The following NRXN1 variants were observed in gnomAD, a reference collection of about 807,000 sequenced individuals.
The protein encoded by NRXN1 is neurexin 1, also known as neurexin-1.
Under a neutral mutation model 150.9 loss-of-function variants are expected in NRXN1, and 39 were observed. The observed-to-expected ratio is 0.26, with a 90% CI of 0.20 to 0.34. The LOEUF is 0.34. NRXN1 is among the 10% of genes least tolerant of loss of function. NRXN1 has a pLI of 1.00. For synonymous variants in NRXN1, 924 were observed against 757.0 expected (o/e 1.22, Z -3.62); for missense variants, 1,815 against 1,949.9 (o/e 0.93, Z 1.30).
intron 8 of NRXN1, among the ~76,000 whole-genome samples, chr2:50,581,463 T>C (rs998785923): frequency 3.3e-5 from 5 of 152,160 alleles, no homozygotes; most frequent in East Asian, 1.9e-4. Flanking sequence ...CTCAGATTCA[T>C]AGGTAATATA....
chr2:50,884,332 T>A (rs1051002997), intron 5 of NRXN1, among the ~76,000 whole-genome samples: 1 of 151,916 alleles, frequency 6.6e-6, no homozygotes, highest in South Asian at 2.1e-4. Flanking sequence ...TTTAGTTTTT[T>A]AGCAATTCAA....
intron 17 of NRXN1, among the ~76,000 whole-genome samples, chr2:50,268,378 T>A (rs1260055779): frequency 6.6e-6 from 1 of 152,176 alleles, no homozygotes; most frequent in Non-Finnish European, 1.5e-5. Context: ...CTTATTATCC[T>A]ACTTAGGCTT....
At chr2:50,719,083 ACATT>A (rs1398550871) in intron 5 of NRXN1, among the ~76,000 whole-genome samples, 2 of 151,568 alleles carry the variant, frequency 1.3e-5, no homozygotes, top group East Asian at 1.9e-4. Context: ...GCACTAAAAC[ACATT>A]CAAAGAATTA....
chr2:50,309,934 G>A (rs980968490), intron 17 of NRXN1, among the ~76,000 whole-genome samples: 5 of 152,112 alleles, frequency 3.3e-5, no homozygotes, highest in African/African-American at 1.2e-4. Flanking sequence ...TAACATGTCA[G>A]CTTCTTGGAA....
chr2:50,780,507 T>A (rs951935458), intron 5 of NRXN1, among the ~76,000 whole-genome samples: 1 of 152,142 alleles, frequency 6.6e-6, no homozygotes, highest in Non-Finnish European at 1.5e-5. Context: ...AATGGCATGG[T>A]CATCCTTTTA....
chr2:50,733,282 A>C (rs1360924815), intron 5 of NRXN1, among the ~76,000 whole-genome samples: 2 of 152,182 alleles, frequency 1.3e-5, no homozygotes, highest in Non-Finnish European at 2.9e-5. Context: ...TTATTCACTG[A>C]TGAATAGAAA....
intron 5 of NRXN1, among the ~76,000 whole-genome samples, chr2:50,890,493 A>AT (rs946947931): frequency 1.1e-4 from 17 of 151,758 alleles, no homozygotes; most frequent in South Asian, 2.1e-4. Flanking sequence ...TTTTACTTAG[A>AT]TTTTTTTTAA....
chr2:49,978,305 G>A (rs1679358842), intron 21 of NRXN1, among the ~76,000 whole-genome samples: 1 of 152,158 alleles, frequency 6.6e-6, no homozygotes, highest in Non-Finnish European at 1.5e-5. Flanking sequence ...GCAAGAAAGT[G>A]AACAAATCCT....
In NRXN1 at chr2:51,027,755, C is replaced by G; in HGVS notation, c.519G>C (p.Ser173=). 6.2e-7 allele frequency: 1 copy of G among 1,612,100 alleles called. No homozygotes were observed. The change falls in exon 2 of 23, where the codon TCG becomes TCC. Residue 173 remains serine, a synonymous_variant. Transcript: ENST00000401669. ...CCTTGAAGGGCTCCCGCTCCCTCAC[C>G]GAGGCCAGGGTGAGCTTGAGCGCCG... ...RAAALKLTLA[S]VREREPFKGW... is the part of the protein sequence containing the mutation.
intron 12 of NRXN1, among the ~76,000 whole-genome samples, chr2:50,526,973 T>C (rs1237729137): frequency 6.6e-6 from 1 of 152,184 alleles, no homozygotes; most frequent in Non-Finnish European, 1.5e-5. Flanking sequence ...AGGGTAATTA[T>C]ACTATAAACA....
rs568753203 is a variant in NRXN1 at position 50,081,338 on chromosome 2, G to C, written c.3718+9985C>G. The stretch of plus-strand genomic sequence containing the variant: ...TCATGCCTGTAATCCCAGCACTTTG[G>C]GGGGCTGAGGCGGGTGGATCACGAG... On this transcript the variant is annotated intron_variant, in intron 19 of 22. Coordinates refer to ENST00000401669, the MANE Select transcript of NRXN1 (RefSeq NM_001330078.2). Among the ~76,000 whole-genome samples the C allele has an allele frequency of 1.4e-4, 22 of 152,296 alleles. 1 individual carries two copies. Among genetic ancestry groups the C allele is most frequent in the Admixed American group, 4.6e-4 (7 of 15,302 alleles).
rs55865684 is a variant in NRXN1, at chr2:50,329,578, AGTGTGTGTGT to A, written c.3365-92618_3365-92609del. ...AGATTAAACTATCATATATAACAGT[AGTGTGTGTGT>A]GTGTGTGTGTGTGTGTGTGTGTGTG... On this transcript the variant is annotated intron_variant, in intron 17 of 22. Coordinates refer to ENST00000401669, the MANE Select transcript of NRXN1 (RefSeq NM_001330078.2). Among the ~76,000 whole-genome samples the A allele has an allele frequency of 6.5e-3, 220 of 33,966 alleles. 12 individuals carry two copies. The highest frequency in any genetic ancestry group is 0.062 in the Middle Eastern group (2 of 32). 22.3% of individuals were successfully genotyped at this position (33,966 alleles called of 152,430 possible). A position where few individuals can be genotyped will look rare whatever the true frequency, so the allele number is the denominator to read the frequency against.
chr2:50,062,711 C>T (rs529851218), intron 19 of NRXN1, among the ~76,000 whole-genome samples: 9 of 152,162 alleles, frequency 5.9e-5, no homozygotes, highest in East Asian at 1.9e-4. Context: ...TTATAACTAT[C>T]GATCAGTAGA....
intron 13 of NRXN1, among the ~76,000 whole-genome samples, chr2:50,502,774 T>C (rs2092015784): frequency 6.6e-6 from 1 of 152,142 alleles, no homozygotes; most frequent in Non-Finnish European, 1.5e-5. Flanking sequence ...ATATAATGTA[T>C]ATGTCTGTGT....
intron 17 of NRXN1, among the ~76,000 whole-genome samples, chr2:50,431,272 C>T (rs1248326392): frequency 6.6e-6 from 1 of 152,170 alleles, no homozygotes; most frequent in Non-Finnish European, 1.5e-5. Flanking sequence ...CCATGGCTTA[C>T]CTATTCGTTT....
intron 5 of NRXN1, chr2:50,912,385 G>A (rs1684645475): frequency 6.6e-6 from 1 of 151,958 alleles, no homozygotes; most frequent in South Asian, 2.1e-4. Context: ...CATATTGCAT[G>A]TGATTTAAGA....
chr2:50,642,946 A>G (rs1684279126), intron 5 of NRXN1, among the ~76,000 whole-genome samples: 1 of 152,026 alleles, frequency 6.6e-6, no homozygotes, highest in African/African-American at 2.4e-5. Context: ...ACTAAGTTAT[A>G]TTCTATTTAA....
At chr2:50,571,461 A>C (rs969123393) in intron 8 of NRXN1, among the ~76,000 whole-genome samples, 19 of 152,252 alleles carry the variant, frequency 1.2e-4, no homozygotes, top group African/African-American at 4.6e-4. Context: ...TCAAGGTCTC[A>C]GTGTATTTTT....
intron 19 of NRXN1, among the ~76,000 whole-genome samples, chr2:50,060,899 C>T (rs1016291628): frequency 1.3e-5 from 2 of 151,776 alleles, no homozygotes; most frequent in Non-Finnish European, 2.9e-5. Flanking sequence ...TCTAGTATTT[C>T]TTCAAAGCAG....
Sources: gnomAD v4.1 joint callset for allele counts (sites outside exome capture counted in the v4.1 genomes callset) on GRCh38, gnomAD v4.1.1 for gene constraint, MANE v1.5 for transcripts, NCBI Gene and HGNC (gene_info 2026-07-23, HGNC 2026-07-21) for gene names.